The following GLYR1 variants were observed in gnomAD, a reference collection of about 807,000 sequenced individuals.
GLYR1 encodes glyoxylate reductase 1 homolog.
In GLYR1, 21 loss-of-function variants were observed where a neutral mutation model predicts 72.7. The ratio of observed to expected loss-of-function variants is 0.29; its 90% confidence interval spans 0.20 to 0.42. The LOEUF (loss-of-function observed/expected upper bound fraction) is 0.42. Ranked by LOEUF, GLYR1 falls within the 10% of genes least tolerant of loss-of-function variation. GLYR1 has a pLI of 1.00. For missense variants in GLYR1, 594 were observed against 712.1 expected, an observed-to-expected ratio of 0.83 and a Z score of 1.89; for synonymous variants, 392 against 270.2, an observed-to-expected ratio of 1.45 and a Z score of -4.42.
chr16:4,811,213 T>C lies in GLYR1; in HGVS notation c.1544A>G (p.Asp515Gly). Residue 515 changes from aspartate (D) to glycine (G), a missense_variant, in exon 15 of 16, where the codon GAT becomes GGT. Transcript: ENST00000321919. Reference sequence around the variant, plus strand: ...CATGGGAGTCGGATGGTTGACCGCATCACCCAGCGCAATGGCTAAGCGGAG... The same window carrying C: ...CATGGGAGTCGGATGGTTGACCGCACCACCCAGCGCAATGGCTAAGCGGAG... ...KDLRLAIALG[D>G]AVNHPTPMAA... 6.2e-7 allele frequency: 1 copy of C among 1,613,932 alleles called. No homozygotes were observed. Among genetic ancestry groups the C allele is most frequent in the African/African-American group, 1.3e-5 (1 of 75,026 alleles).
Position 4,832,159 on chromosome 16 carries a change from C to T in GLYR1, c.357G>A (p.Arg119=), listed in dbSNP as rs147999240. 4.9e-5 allele frequency: 79 copies of T among 1,614,022 alleles called. 1 individual carries two copies. Among genetic ancestry groups the T allele is most frequent in the Non-Finnish European group, 6.4e-5 (76 of 1,180,042 alleles). The part of the protein sequence containing the change: ...NRRNSSEERS[R]PNSGDEKRKL... ...TGCGCTTCTCATCACCTGAGTTTGG[C>T]CTACTTCTCTCCTCACTGGAATTAC... Residue 119 remains arginine (R), a synonymous_variant, in exon 5 of 16, where the codon AGG becomes AGA. Transcript: ENST00000321919.
chr16:4,833,643 C>G (rs1287621539), intron 3 of GLYR1, among the ~76,000 whole-genome samples: 1 of 128,820 alleles, frequency 7.8e-6, no homozygotes, highest in African/African-American at 2.9e-5. Context: ...TATGATGTCT[C>G]AAAAAAAAAA....
At chr16:4,817,769 C>G (rs2083743167) in intron 9 of GLYR1, 72 bp from the exon 10 acceptor site, 1 of 942,276 alleles carries the variant, frequency 1.1e-6, no homozygotes, top group East Asian at 2.4e-5. Context: ...CCATGCAGCA[C>G]AAGGCTCGCT....
rs2084211375 is a variant in GLYR1, at chr16:4,823,906, T to A, written c.539A>T (p.Asp180Val). ...KRGRPPKDEK[D>V]LTIPESSTVK... ...GGTACTAGACTCCGGGATGGTGAGATCCTATAGAGGGAGGGGCAGGGCATT... is the reference window on the plus strand; with the variant it reads ...GGTACTAGACTCCGGGATGGTGAGAACCTATAGAGGGAGGGGCAGGGCATT... Residue 180 changes from aspartate (D) to valine (V), a missense_variant and splice_region_variant, in exon 6 of 16, where the codon GAT becomes GTT. Physicochemically the swap from Asp to Val is radical, Grantham distance 152 (BLOSUM62 -3). Coordinates refer to ENST00000321919, the MANE Select transcript of GLYR1 (RefSeq NM_032569.4). The A allele has an allele frequency of 6.2e-7, 1 of 1,613,432 alleles. No individual in the cohort carries two copies.
chr16:4,824,227 T>C (rs1403877476), intron 5 of GLYR1, among the ~76,000 whole-genome samples: 1 of 152,090 alleles, frequency 6.6e-6, no homozygotes, highest in Non-Finnish European at 1.5e-5. Flanking sequence ...AAGAAACAGT[T>C]GTGGTGGCTG....
At chr16:4,843,823 T>G in intron 3 of GLYR1, 1 of 203,088 alleles carries the variant, frequency 4.9e-6, no homozygotes, top group South Asian at 6.2e-5. Context: ...CGGCTGGGCA[T>G]GGTGGCTCTT....
At chr16:4,841,745 G>C (rs1447458132) in intron 3 of GLYR1, among the ~76,000 whole-genome samples, 5 of 152,156 alleles carry the variant, frequency 3.3e-5, no homozygotes, top group South Asian at 2.1e-4. Context: ...TTTCAGACTT[G>C]TGTAATTATT....
rs768239494 is a variant in GLYR1, at chr16:4,823,848, C to G, written c.597G>C (p.Ala199=). 6 of 1,613,990 alleles carry G rather than the reference C, an allele frequency of 3.7e-6. No homozygotes were observed. Among genetic ancestry groups the G allele is most frequent in the Non-Finnish European group, 5.1e-6 (6 of 1,180,012 alleles). ...VKGMMAGPMA[A]FKWQPTASEP... is the part of the protein sequence containing the mutation. ...CGCTTGCGGTTGGCTGCCATTTAAA[C>G]GCGGCCATCGGTCCGGCCATCATCC... The change falls in exon 6 of 16, where the codon GCG becomes GCC. Residue 199 remains alanine (A), a synonymous_variant. Coordinates refer to ENST00000321919, the MANE Select transcript of GLYR1 (RefSeq NM_032569.4).
intron 5 of GLYR1, among the ~76,000 whole-genome samples, 158 bp downstream of exon 5, chr16:4,831,821 A>G (rs1393548579): frequency 6.6e-6 from 1 of 152,220 alleles, no homozygotes; most frequent in Non-Finnish European, 1.5e-5. Context: ...AGCATGAGCC[A>G]CCGCACCTGC....
chr16:4,830,032 G>A (rs995163140), intron 5 of GLYR1, among the ~76,000 whole-genome samples: 6 of 151,914 alleles, frequency 3.9e-5, no homozygotes, highest in Non-Finnish European at 8.8e-5. Context: ...TAGAACTCCT[G>A]GGCTCAGGGG....
intron 15 of GLYR1, 57 bp from the exon 16 acceptor site, chr16:4,805,367 A>G: frequency 6.9e-7 from 1 of 1,448,596 alleles, no homozygotes; most frequent in South Asian, 1.2e-5. Context: ...CAAGACCTAG[A>G]CCTGATTCCT....
At chr16:4,815,041 T>C (rs1445436013) in intron 10 of GLYR1, among the ~76,000 whole-genome samples, 1 of 152,164 alleles carries the variant, frequency 6.6e-6, no homozygotes, top group Non-Finnish European at 1.5e-5. Flanking sequence ...CATTCGTTTT[T>C]GGGTTGTTTC....
intron 5 of GLYR1, 21 bp from the exon 6 acceptor site, chr16:4,823,928 C>T: frequency 1.3e-6 from 2 of 1,598,858 alleles, no homozygotes; most frequent in Non-Finnish European, 8.6e-7. Flanking sequence ...AGGGGCAGGG[C>T]ATTTTAAAAT....
At chr16:4,842,235 C>A (rs1469475451) in intron 3 of GLYR1, among the ~76,000 whole-genome samples, 2 of 150,018 alleles carry the variant, frequency 1.3e-5, no homozygotes, top group East Asian at 2.0e-4. Flanking sequence ...CAGAGCGAGA[C>A]TCCGTTTCAA....
At chr16:4,843,859 G>T (rs2085740899) in intron 3 of GLYR1, 2 of 176,106 alleles carry the variant, frequency 1.1e-5, no homozygotes, top group Non-Finnish European at 2.4e-5. Context: ...ACTTTGGGAG[G>T]CTGAGGGGGT....
In GLYR1 at chr16:4,846,954, CG is replaced by C; in HGVS notation, c.38+273del. 2.4e-5 allele frequency: 12 copies of C among 497,154 alleles called. No homozygotes were observed. In the South Asian group the frequency reaches 2.9e-4, roughly 12 times the overall value. 30.8% of individuals were successfully genotyped at this position (497,154 alleles called of 1,614,324 possible). A position where few individuals can be genotyped will look rare whatever the true frequency, so the allele number is the denominator to read the frequency against. ...CTCGCGGCACCGGCGGCTCCCTTCA[CG>C]GGGGCCGCCAGTATCTGGGCCCCGA... On this transcript the variant is annotated intron_variant, in intron 1 of 15. Transcript: ENST00000321919.
chr16:4,811,316 C>G, intron 14 of GLYR1, 22 bp from the exon 15 acceptor site: 1 of 1,612,486 alleles, frequency 6.2e-7, no homozygotes, highest in Admixed American at 1.7e-5. Flanking sequence ...AAGCCAGTAT[C>G]AGACAAAAGC....
At chr16:4,843,209 C>T (rs913617522) in intron 3 of GLYR1, among the ~76,000 whole-genome samples, 4 of 152,222 alleles carry the variant, frequency 2.6e-5, no homozygotes, top group Non-Finnish European at 2.9e-5. Context: ...GTCTGTCACC[C>T]ATGCTGGAGT....
chr16:4,844,103 A>G, intron 3 of GLYR1, among the ~76,000 whole-genome samples: 1 of 146,974 alleles, frequency 6.8e-6, no homozygotes. Flanking sequence ...GACAGAGTGA[A>G]ACTCCATCTC....
Sources: allele counts gnomAD v4.1 joint callset (sites outside exome capture counted in the v4.1 genomes callset), GRCh38; gene constraint gnomAD v4.1.1; transcripts MANE v1.5; gene names NCBI Gene and HGNC (gene_info 2026-07-23, HGNC 2026-07-21).